The following RANBP2 variants were observed in gnomAD, a reference collection of about 807,000 sequenced individuals.
RANBP2 encodes E3 SUMO-protein ligase RanBP2.
In RANBP2, 57 loss-of-function variants were observed where a neutral mutation model predicts 303.6. The observed-to-expected ratio is 0.19, with a 90% CI of 0.15 to 0.23. RANBP2 has a LOEUF of 0.23. Ranked by LOEUF, RANBP2 falls within the 10% of genes least tolerant of loss-of-function variation. The pLI is 1.00. For missense variants in RANBP2, 3,138 were observed against 3,780.8 expected (o/e 0.83, Z 4.46); for synonymous variants, 1,167 against 1,301.5 (o/e 0.90, Z 2.23).
the RANBP2 span, among the ~76,000 whole-genome samples, chr2:108,891,736 G>A: frequency 9.9e-5 from 15 of 152,282 alleles, no homozygotes; most frequent in African/African-American, 3.6e-4. Flanking sequence ...GGCATAGCAT[G>A]AGCAATGGCA....
the RANBP2 span, among the ~76,000 whole-genome samples, chr2:109,092,722 T>A: frequency 6.6e-6 from 1 of 152,158 alleles, no homozygotes; most frequent in Non-Finnish European, 1.5e-5. Context: ...CTGGTTTCTC[T>A]CTCTCTGTCT....
At chr2:108,864,746 A>T in the RANBP2 span, among the ~76,000 whole-genome samples, 2 of 148,136 alleles carry the variant, frequency 1.4e-5, no homozygotes, top group African/African-American at 2.5e-5. Flanking sequence ...GTGAGTTGAG[A>T]GTGTGCCTCT....
At chr2:109,031,820 C>T in the RANBP2 span, among the ~76,000 whole-genome samples, 21,755 of 152,046 alleles carry the variant, frequency 0.14, 1,668 homozygotes, top group Middle Eastern at 0.18. Context: ...AACCCTCCTT[C>T]CTCTAAGTAT....
At chr2:109,614,360 C>T in the RANBP2 span, 3 of 780,056 alleles carry the variant, frequency 3.8e-6, no homozygotes, top group Admixed American at 9.2e-5. Context: ...AGTCCTCTGG[C>T]CTCAGACGCG....
At chr2:109,357,371 C>T in the RANBP2 span, among the ~76,000 whole-genome samples, 6 of 152,152 alleles carry the variant, frequency 3.9e-5, no homozygotes, top group African/African-American at 9.6e-5. Flanking sequence ...TTAGTAGAGA[C>T]GAGGTTTCAC....
the RANBP2 span, among the ~76,000 whole-genome samples, chr2:109,219,684 A>G: frequency 1.3e-5 from 2 of 152,240 alleles, no homozygotes; most frequent in East Asian, 1.9e-4. Flanking sequence ...AAAAAATTCA[A>G]TTTGCAATCT....
At chr2:108,750,607 A>ATCTTTTCTTTTC (rs1558900728) in intron 9 of RANBP2, among the ~76,000 whole-genome samples, 1 of 74,962 alleles carries the variant, frequency 1.3e-5, no homozygotes, top group African/African-American at 3.3e-5. Flanking sequence ...CTTTTCTTTG[A>ATCTTTTCTTTTC]GACAGAGTCT....
chr2:109,125,718 G>A, the RANBP2 span, among the ~76,000 whole-genome samples: 1 of 152,254 alleles, frequency 6.6e-6, no homozygotes, highest in Non-Finnish European at 1.5e-5. Context: ...TTTTAGGAAT[G>A]GCTGTAAAGC....
Position 108,738,257 on chromosome 2 carries a change from A to G in RANBP2, c.782+2008A>G, listed in dbSNP as rs184550252. Among the ~76,000 whole-genome samples, 685 of 150,534 alleles carry G rather than the reference A, an allele frequency of 4.6e-3. 4 individuals are homozygous for G. Among genetic ancestry groups the G allele is most frequent in the African/African-American group, 0.016 (652 of 40,968 alleles). Reference sequence around the variant, plus strand: ...CACCCAGCTAATTTTTTGTATTTTTAGTAGAGATGGGGTTTCACCGCGTTA... The same window carrying G: ...CACCCAGCTAATTTTTTGTATTTTTGGTAGAGATGGGGTTTCACCGCGTTA... On this transcript the variant is annotated intron_variant, in intron 6 of 28. Transcript: ENST00000283195.
the RANBP2 span, among the ~76,000 whole-genome samples, chr2:109,219,145 C>G: frequency 6.6e-6 from 1 of 152,210 alleles, no homozygotes; most frequent in Non-Finnish European, 1.5e-5. Flanking sequence ...CTCGCTCACA[C>G]CCCATTCACA....
At chr2:109,321,247 A>G in the RANBP2 span, among the ~76,000 whole-genome samples, 188 of 152,336 alleles carry the variant, frequency 1.2e-3, 2 homozygotes, top group Middle Eastern at 0.024. Flanking sequence ...ATTCACTTTT[A>G]ATTAGGCTGT....
chr2:109,527,879 G>A, the RANBP2 span, among the ~76,000 whole-genome samples: 173 of 152,348 alleles, frequency 1.1e-3, no homozygotes, highest in African/African-American at 4.1e-3. Context: ...GAAGGAAACA[G>A]AGTGGAAATA....
the RANBP2 span, among the ~76,000 whole-genome samples, chr2:109,604,377 G>C: frequency 1.2e-5 from 1 of 85,552 alleles, no homozygotes; most frequent in South Asian, 6.2e-4. Flanking sequence ...GGAAAGAAGG[G>C]AAGGGAAGGG....
the RANBP2 span, among the ~76,000 whole-genome samples, chr2:109,664,269 C>G: frequency 1.3e-5 from 2 of 152,120 alleles, no homozygotes; most frequent in African/African-American, 4.8e-5. Context: ...TTAAATGTTA[C>G]CAGCCAGAAA....
At chr2:108,988,262 T>C in the RANBP2 span, among the ~76,000 whole-genome samples, 87 of 152,324 alleles carry the variant, frequency 5.7e-4, no homozygotes, top group Non-Finnish European at 5.9e-4. Context: ...CTCCCTGAGC[T>C]GACATCTCAA....
At chr2:109,760,747 A>G in the RANBP2 span, among the ~76,000 whole-genome samples, 2 of 144,410 alleles carry the variant, frequency 1.4e-5, no homozygotes, top group Admixed American at 7.1e-5. Flanking sequence ...GCCCTGCTCC[A>G]GGAATGGGAC....
At chr2:109,290,023 C>G in the RANBP2 span, among the ~76,000 whole-genome samples, 1 of 152,116 alleles carries the variant, frequency 6.6e-6, no homozygotes, top group South Asian at 2.1e-4. Context: ...ATGCAGATTC[C>G]GATTCTATAG....
chr2:108,779,548 G>A (rs1678100537), intron 25 of RANBP2, among the ~76,000 whole-genome samples: 1 of 152,014 alleles, frequency 6.6e-6, no homozygotes, highest in Non-Finnish European at 1.5e-5. Flanking sequence ...GTTCTTTAAG[G>A]TACTGAGTTA....
chr2:109,378,466 A>G, the RANBP2 span, among the ~76,000 whole-genome samples: 2 of 152,172 alleles, frequency 1.3e-5, no homozygotes, highest in Non-Finnish European at 2.9e-5. Flanking sequence ...TAGAGGCTGC[A>G]TGGGCTTATG....
Sources: allele counts gnomAD v4.1 joint callset (sites outside exome capture counted in the v4.1 genomes callset), GRCh38; gene constraint gnomAD v4.1.1; transcripts MANE v1.5; gene names NCBI Gene and HGNC (gene_info 2026-07-23, HGNC 2026-07-21).